LYST: variants seen among roughly 807,000 people sequenced by gnomAD.
The protein encoded by LYST is lysosomal-trafficking regulator.
In LYST, 192 loss-of-function variants were observed where a neutral mutation model predicts 413.6. That is an observed-to-expected ratio of 0.46 (90% CI 0.41 to 0.52). LYST has a LOEUF of 0.52. Ranked by LOEUF, LYST falls within the 20% of genes least tolerant of loss-of-function variation. The pLI is 0.00. For synonymous variants in LYST, 1,525 were observed against 1,567.3 expected, an observed-to-expected ratio of 0.97 and a Z score of 0.64; for missense variants, 3,815 against 4,499.9, an observed-to-expected ratio of 0.85 and a Z score of 4.35.
At position 235,762,640 on chromosome 1, in the gene LYST, T is replaced by G. The variant is rs559864404; in HGVS notation, c.6253+80A>C. The G allele has an allele frequency of 8.4e-6, 12 of 1,430,024 alleles. No homozygotes were observed. In the African/African-American group the frequency reaches 1.6e-4, roughly 19 times the overall value. The allele number at this position is 1,430,024 out of a possible 1,614,324, so 88.6% of individuals were successfully genotyped here. ...AATGAGGTTGTACTACATATACTTC[T>G]AAAATATGTACAATTTAATTATCTA... On this transcript the variant is annotated intron_variant, in intron 22 of 52. Transcript: ENST00000389793.
At chr1:235,668,533 C>T (rs1435630852) in intron 50 of LYST, among the ~76,000 whole-genome samples, 1 of 152,130 alleles carries the variant, frequency 6.6e-6, no homozygotes, top group East Asian at 1.9e-4. Context: ...CCCAGGGACA[C>T]CTGAATACCC....
At chr1:235,772,191 T>C (rs1668777566) in intron 19 of LYST, among the ~76,000 whole-genome samples, 1 of 152,066 alleles carries the variant, frequency 6.6e-6, no homozygotes, top group African/African-American at 2.4e-5. Flanking sequence ...TGCCACTGCA[T>C]TTTAGCCTGG....
At chr1:235,726,253 A>AT (rs903706024) in intron 38 of LYST, among the ~76,000 whole-genome samples, 40 of 147,312 alleles carry the variant, frequency 2.7e-4, no homozygotes, top group South Asian at 8.5e-4. Context: ...CAAAACCTTA[A>AT]TTTTTTTTTT....
At chr1:235,719,098 A>C (rs1663103864) in intron 40 of LYST, among the ~76,000 whole-genome samples, 1 of 152,068 alleles carries the variant, frequency 6.6e-6, no homozygotes, top group Non-Finnish European at 1.5e-5. Flanking sequence ...GGCTCATCGC[A>C]ACCTCCCCAT....
intron 1 of LYST, among the ~76,000 whole-genome samples, chr1:235,873,329 AAC>A (rs1681017880): frequency 6.6e-6 from 1 of 152,230 alleles, no homozygotes; most frequent in South Asian, 2.1e-4. Flanking sequence ...ACTTGTGGGC[AAC>A]AGTGTCATTA....
In LYST at chr1:235,664,382, T is replaced by C; in HGVS notation, c.11195+83A>G. 8.0e-7 allele frequency: 1 copy of C among 1,256,750 alleles called. No homozygotes were observed. Among genetic ancestry groups the C allele is most frequent in the Non-Finnish European group, 1.2e-6 (1 of 866,406 alleles). The allele number at this position is 1,256,750 out of a possible 1,614,324, so 77.8% of individuals were successfully genotyped here. A position where few individuals can be genotyped will look rare whatever the true frequency, so the allele number is the denominator to read the frequency against. On this transcript the variant is annotated intron_variant, in intron 51 of 52. Transcript: ENST00000389793. The surrounding 1 kb of genome is among the most constrained non-coding windows in gnomAD (Gnocchi z 4.5). ...AATCTCTAAATACTGAATATTAATA[T>C]GCCTAGATATTAAAAATTAATTTCT...
Position 235,777,136 on chromosome 1 carries a change from G to C in LYST, c.5387C>G (p.Thr1796Ser), listed in dbSNP as rs1269984593. 1 of 1,611,950 alleles carries C rather than the reference G, an allele frequency of 6.2e-7. No homozygotes were observed. Among genetic ancestry groups the C allele is most frequent in the African/African-American group, 1.3e-5 (1 of 74,988 alleles). Residue 1796 changes from threonine to serine, a missense_variant, in exon 17 of 53, where the codon ACT (threonine) becomes AGT (serine). Around this residue, in one of 4 missense-constraint regions of LYST, gnomAD observed 530 missense variants for 696.5 expected, o/e 0.76. Transcript: ENST00000389793. ...AATGCCTTGAATAGTTTTATATTCA[G>C]TAGGTTGGAGATTCTTTAGATGATG... The part of the protein sequence containing the change: ...EPHHLKNLQP[T>S]EYKTIQGILH...
At chr1:235,802,206 A>AC (rs1032409287) in intron 8 of LYST, among the ~76,000 whole-genome samples, 3 of 150,470 alleles carry the variant, frequency 2.0e-5, no homozygotes, top group Non-Finnish European at 4.5e-5. Flanking sequence ...AAAAAAAAAA[A>AC]AAAAAAAAAA....
intron 50 of LYST, among the ~76,000 whole-genome samples, chr1:235,665,848 C>G (rs921470103): frequency 6.6e-6 from 1 of 151,932 alleles, no homozygotes; most frequent in African/African-American, 2.4e-5. Context: ...AATTGCCTGC[C>G]ATGCTTTATA....
chr1:235,745,089 G>C (rs1665787504), intron 29 of LYST, among the ~76,000 whole-genome samples: 1 of 151,796 alleles, frequency 6.6e-6, no homozygotes, highest in African/African-American at 2.4e-5. Flanking sequence ...ACAATCTTCA[G>C]CTTTATTGGA....
At position 235,792,039 on chromosome 1, in the gene LYST, G is replaced by A. The variant is rs748682228; in HGVS notation, c.4203C>T (p.His1401=). The A allele has an allele frequency of 1.2e-5, 20 of 1,613,578 alleles. No homozygotes were observed. The highest frequency in any genetic ancestry group is 2.7e-5 in the African/African-American group (2 of 74,892). Residue 1401 remains histidine, a synonymous_variant, in exon 12 of 53, where the codon CAC becomes CAT. Coordinates refer to ENST00000389793, the MANE Select transcript of LYST (RefSeq NM_000081.4). ...PSQYLTFPLL[H]APNLSNGVSS... ...AAACACCGTTGCTTAAATTTGGAGC[G>A]TGCAGTAAAGGGAAGGTTAGATACT...
chr1:235,817,441 C>T (rs1434596398), intron 3 of LYST, among the ~76,000 whole-genome samples: 4 of 152,166 alleles, frequency 2.6e-5, no homozygotes, highest in Admixed American at 2.6e-4. Context: ...CACCACAGCA[C>T]TATTCACAAT....
intron 1 of LYST, among the ~76,000 whole-genome samples, chr1:235,853,237 A>G (rs1678755874): frequency 6.6e-6 from 1 of 152,230 alleles, no homozygotes; most frequent in South Asian, 2.1e-4. Context: ...AGAAGTATGT[A>G]CATTTTAACA....
chr1:235,693,559 G>A, intron 46 of LYST, 73 bp from the exon 47 acceptor site: 1 of 1,556,820 alleles, frequency 6.4e-7, no homozygotes, highest in Non-Finnish European at 8.8e-7. Context: ...AAAACTGGCA[G>A]ATTAAAGGGT....
At chr1:235,671,514 T>C (rs1658941112) in intron 50 of LYST, among the ~76,000 whole-genome samples, 2 of 152,178 alleles carry the variant, frequency 1.3e-5, no homozygotes, top group Admixed American at 1.3e-4. Flanking sequence ...GGAGGGTTAA[T>C]ACTTTAGATA....
intron 10 of LYST, among the ~76,000 whole-genome samples, chr1:235,798,576 C>CTTAAAAAAAAAAAAAAA (rs1558261064): frequency 2.0e-4 from 5 of 24,546 alleles, no homozygotes; most frequent in African/African-American, 6.8e-4. Flanking sequence ...AAAACCCTGT[C>CTTAAAAAAAAAAAAAAA]ATAAAAAAAA....
At position 235,662,598 on chromosome 1, in the gene LYST, C is replaced by T. The variant is rs1658121052; in HGVS notation, c.*342G>A. On this transcript the variant is annotated 3_prime_UTR_variant, in exon 53 of 53. Coordinates refer to ENST00000389793, the MANE Select transcript of LYST (RefSeq NM_000081.4). ...ACCAACCAATTTAAATTCTACTGGT[C>T]CTTTTGGAATCATAGAAAAAGGGGA... 3.0e-6 allele frequency: 1 copy of T among 336,192 alleles called. No homozygotes were observed. Among genetic ancestry groups the T allele is most frequent in the South Asian group, 2.7e-5 (1 of 37,390 alleles). The allele number at this position is 336,192 out of a possible 1,614,324, so 20.8% of individuals were successfully genotyped here.
intron 1 of LYST, among the ~76,000 whole-genome samples, chr1:235,846,130 A>G (rs1403799812): frequency 2.0e-5 from 3 of 152,076 alleles, no homozygotes; most frequent in African/African-American, 4.8e-5. Context: ...TGCACCCTCC[A>G]CCACCTGCAC....
chr1:235,685,904 C>T (rs779280093), intron 48 of LYST, among the ~76,000 whole-genome samples: 26 of 151,416 alleles, frequency 1.7e-4, no homozygotes, highest in African/African-American at 3.9e-4. Context: ...CTGGGAGTCA[C>T]CCTATGCTAG....
Sources: allele counts gnomAD v4.1 joint callset (sites outside exome capture counted in the v4.1 genomes callset), GRCh38; gene constraint gnomAD v4.1.1; regional missense constraint gnomAD v4.1.1; non-coding constraint Gnocchi (gnomAD v3.1); transcripts MANE v1.5; gene names NCBI Gene and HGNC (gene_info 2026-07-23, HGNC 2026-07-21).